ERC1: variants seen among roughly 807,000 people sequenced by gnomAD.
The protein encoded by ERC1 is RAB6 interacting protein 2.
In ERC1, 56 loss-of-function variants were observed where a neutral mutation model predicts 132.0. That is an observed-to-expected ratio of 0.42 (90% CI 0.34 to 0.53). The LOEUF is 0.53. Ranked by LOEUF, ERC1 falls within the 20% of genes least tolerant of loss-of-function variation. The pLI is 0.03. For missense variants in ERC1, 1,202 were observed against 1,349.9 expected (o/e 0.89, Z 1.72); for synonymous variants, 478 against 476.1 (o/e 1.00, Z -0.05).
At chr12:1,228,340 T>G (rs1326858300) in intron 12 of ERC1, among the ~76,000 whole-genome samples, 1 of 48,742 alleles carries the variant, frequency 2.1e-5, no homozygotes, top group African/African-American at 2.4e-4. Flanking sequence ...TGTACAAATC[T>G]TTCAGCCAGT....
chr12:1,138,286 ATATAT>A lies in ERC1; in HGVS notation c.1570-3328_1570-3324del, dbSNP rs1949541182. Reference sequence around the variant, plus strand: ...ATATAATATAATTACAATATATGATATATATTATATAATATATGTTGTATATAATA... The same window carrying A: ...ATATAATATAATTACAATATATGATATATATAATATATGTTGTATATAATA... On this transcript the variant is annotated intron_variant, in intron 7 of 18. Coordinates refer to ENST00000360905, the MANE Select transcript of ERC1 (RefSeq NM_178040.4). Among the ~76,000 whole-genome samples the A allele has an allele frequency of 2.2e-5, 3 of 137,338 alleles. No homozygotes were observed. In the South Asian group the frequency reaches 6.5e-4, roughly 30 times the overall value. 90.1% of individuals were successfully genotyped at this position (137,338 alleles called of 152,430 possible). A position where few individuals can be genotyped will look rare whatever the true frequency, so the allele number is the denominator to read the frequency against.
At chr12:1,353,616 C>T (rs1401922393) in intron 15 of ERC1, among the ~76,000 whole-genome samples, 1 of 152,110 alleles carries the variant, frequency 6.6e-6, no homozygotes, top group Non-Finnish European at 1.5e-5. Flanking sequence ...GCTGGGGGGC[C>T]ACTTGGCAGC....
chr12:1,013,736 C>T (rs1236335594), intron 1 of ERC1, among the ~76,000 whole-genome samples: 3 of 151,770 alleles, frequency 2.0e-5, no homozygotes, highest in Admixed American at 2.0e-4. Context: ...GTCTTTCTGT[C>T]TGTCTGTCTT....
chr12:1,090,864 T>C (rs1319987882), intron 3 of ERC1, among the ~76,000 whole-genome samples: 11 of 55,150 alleles, frequency 2.0e-4, no homozygotes, highest in Non-Finnish European at 2.7e-4. Context: ...GTTGTTGTTG[T>C]TGTTATTATT....
At chr12:1,229,510 T>C (rs978812314) in intron 12 of ERC1, among the ~76,000 whole-genome samples, 2 of 152,146 alleles carry the variant, frequency 1.3e-5, no homozygotes, top group African/African-American at 4.8e-5. Context: ...AAAAAAGTCT[T>C]CAATTTTGTT....
intron 12 of ERC1, among the ~76,000 whole-genome samples, chr12:1,221,811 CT>C (rs1400003990): frequency 2.0e-5 from 3 of 152,006 alleles, no homozygotes; most frequent in African/African-American, 7.3e-5. Context: ...GAGTGGAGCT[CT>C]TTGGAAGAAG....
chr12:1,146,048 A>C (rs749867249), intron 8 of ERC1, among the ~76,000 whole-genome samples: 1 of 152,138 alleles, frequency 6.6e-6, no homozygotes, highest in Non-Finnish European at 1.5e-5. Flanking sequence ...TGCCTTGGCT[A>C]TGCAGGCTCT....
chr12:1,420,922 G>T (rs1004998263), intron 17 of ERC1, among the ~76,000 whole-genome samples: 5 of 80,322 alleles, frequency 6.2e-5, no homozygotes, highest in Non-Finnish European at 2.7e-5. Context: ...TTTGGTTTGG[G>T]GGGGGGGGGG....
intron 17 of ERC1, among the ~76,000 whole-genome samples, chr12:1,429,498 CT>C (rs747120412): frequency 6.6e-6 from 1 of 152,160 alleles, no homozygotes; most frequent in Admixed American, 6.5e-5. Flanking sequence ...TGATGTGAAA[CT>C]TTTATTATTT....
chr12:1,283,759 G>A (rs2078849514), intron 14 of ERC1, among the ~76,000 whole-genome samples: 1 of 152,140 alleles, frequency 6.6e-6, no homozygotes, highest in South Asian at 2.1e-4. Flanking sequence ...AATCTGAAAG[G>A]TAGAGATTTT....
chr12:1,117,390 A>G (rs974366651), intron 7 of ERC1, among the ~76,000 whole-genome samples: 1 of 152,068 alleles, frequency 6.6e-6, no homozygotes, highest in Non-Finnish European at 1.5e-5. Flanking sequence ...CATGTTTGTC[A>G]TTTTTCTTAT....
At chr12:1,243,414 G>A (rs2075960922) in intron 13 of ERC1, among the ~76,000 whole-genome samples, 1 of 151,864 alleles carries the variant, frequency 6.6e-6, no homozygotes. Flanking sequence ...GTGCTATGTA[G>A]GGATGTAATG....
chr12:1,100,476 T>C (rs182650120), intron 3 of ERC1, among the ~76,000 whole-genome samples: 106 of 152,194 alleles, frequency 7.0e-4, no homozygotes, highest in East Asian at 3.3e-3. Flanking sequence ...TTGTGAATGG[T>C]GAGATAGATT....
At chr12:996,588 A>G (rs894260705) in intron 1 of ERC1, among the ~76,000 whole-genome samples, 7 of 152,076 alleles carry the variant, frequency 4.6e-5, no homozygotes, top group African/African-American at 9.7e-5. Flanking sequence ...GTGAGACCCC[A>G]TCTGTAAATT....
intron 18 of ERC1, among the ~76,000 whole-genome samples, chr12:1,462,490 T>C (rs564840629): frequency 6.6e-6 from 1 of 152,338 alleles, no homozygotes; most frequent in Non-Finnish European, 1.5e-5. Flanking sequence ...GGAATACTAC[T>C]CAGCAATAGA....
intron 18 of ERC1, among the ~76,000 whole-genome samples, chr12:1,466,472 A>G (rs2093745798): frequency 6.6e-6 from 1 of 152,188 alleles, no homozygotes; most frequent in Non-Finnish European, 1.5e-5. Flanking sequence ...TGGTGGGGAC[A>G]CAGCTCAGCC....
At chr12:1,356,019 A>G (rs1407753585) in intron 15 of ERC1, among the ~76,000 whole-genome samples, 1 of 152,106 alleles carries the variant, frequency 6.6e-6, no homozygotes, top group Non-Finnish European at 1.5e-5. Context: ...CAGCCTGGGC[A>G]ACGTGATGAA....
intron 15 of ERC1, among the ~76,000 whole-genome samples, chr12:1,367,951 CTTTTTTTTTT>C (rs59027116): frequency 8.4e-6 from 1 of 118,550 alleles, no homozygotes; most frequent in Non-Finnish European, 1.8e-5. Flanking sequence ...CCACATTTTC[CTTTTTTTTTT>C]TTTTTTTTTT....
intron 15 of ERC1, among the ~76,000 whole-genome samples, chr12:1,324,500 A>G (rs910029943): frequency 2.0e-5 from 3 of 152,200 alleles, no homozygotes; most frequent in South Asian, 2.1e-4. Flanking sequence ...ATTTCTCTCA[A>G]CGTAACAAGC....
Sources: gnomAD v4.1 joint callset for allele counts (sites outside exome capture counted in the v4.1 genomes callset) on GRCh38, gnomAD v4.1.1 for gene constraint, MANE v1.5 for transcripts, NCBI Gene and HGNC (gene_info 2026-07-23, HGNC 2026-07-21) for gene names.